Variants in TASP1 observed in about 807,000 individuals in gnomAD.
TASP1 encodes the protein taspase 1.
TASP1 carries 16 observed loss-of-function variants against 56.6 expected under a neutral mutation model. The ratio of observed to expected loss-of-function variants is 0.28; its 90% CI spans 0.19 to 0.43. The LOEUF (loss-of-function observed/expected upper bound fraction) is 0.43, where lower values mean the gene tolerates loss of function less well. Ranked by LOEUF, TASP1 falls within the 20% of genes least tolerant of loss-of-function variation. TASP1 has a pLI of 1.00. For synonymous variants in TASP1, 179 were observed against 184.2 expected (o/e 0.97, Z 0.23); for missense variants, 393 against 511.6 (o/e 0.77, Z 2.24).
chr20:13,629,002 A>C (rs1416827220), intron 2 of TASP1, among the ~76,000 whole-genome samples: 1 of 152,208 alleles, frequency 6.6e-6, no homozygotes, highest in African/African-American at 2.4e-5. Flanking sequence ...TGGCTCTAGC[A>C]CCAACCACCA....
chr20:13,520,682 C>G (rs2044715544), intron 10 of TASP1, among the ~76,000 whole-genome samples: 1 of 152,100 alleles, frequency 6.6e-6, no homozygotes, highest in Non-Finnish European at 1.5e-5. Flanking sequence ...ATAAGAAAAC[C>G]TAGGCAATAC....
chr20:13,391,304 G>A (rs2041265811), intron 13 of TASP1, among the ~76,000 whole-genome samples: 1 of 152,218 alleles, frequency 6.6e-6, no homozygotes. Flanking sequence ...TGGGGCTGGA[G>A]GCTCCGGTAG....
the TASP1 span, among the ~76,000 whole-genome samples, chr20:13,330,081 C>T: frequency 1.3e-5 from 2 of 151,922 alleles, no homozygotes; most frequent in Non-Finnish European, 2.9e-5. Flanking sequence ...CTCAGCCTCC[C>T]GAGTAGCTGG....
chr20:13,620,613 T>C (rs1160035058), intron 4 of TASP1, among the ~76,000 whole-genome samples: 1 of 152,212 alleles, frequency 6.6e-6, no homozygotes, highest in South Asian at 2.1e-4. Context: ...TCAAAAAGTA[T>C]ATCCCAAAGT....
At chr20:13,452,291 C>T (rs2043650381) in intron 11 of TASP1, among the ~76,000 whole-genome samples, 1 of 151,844 alleles carries the variant, frequency 6.6e-6, no homozygotes, top group Non-Finnish European at 1.5e-5. Context: ...TTGAAAAATG[C>T]AGTATCTGCT....
the TASP1 span, among the ~76,000 whole-genome samples, chr20:13,108,909 A>G: frequency 6.6e-6 from 1 of 152,212 alleles, no homozygotes; most frequent in South Asian, 2.1e-4. Context: ...TAGCATCTCC[A>G]TCTTTTAAAA....
At position 13,553,859 on chromosome 20, in the gene TASP1, A is replaced by T. The variant is rs190561142; in HGVS notation, c.675+5149T>A. Among the ~76,000 whole-genome samples, 338 of 152,304 alleles carry T rather than the reference A, an allele frequency of 2.2e-3. 2 individuals carry two copies. Among genetic ancestry groups the T allele is most frequent in the Non-Finnish European group, 1.5e-3 (99 of 68,018 alleles). On this transcript the variant is annotated intron_variant, in intron 8 of 13. Coordinates refer to ENST00000337743, the MANE Select transcript of TASP1 (RefSeq NM_017714.3). ...CAATAAAACTGCTATTTTGTTTGGG[A>T]AGACAATGTGTCTATCCTCAAGCCA...
At chr20:13,299,120 C>T in the TASP1 span, 9 of 1,613,182 alleles carry the variant, frequency 5.6e-6, no homozygotes, top group Non-Finnish European at 7.6e-6. The surrounding 1 kb of genome is among the most constrained non-coding windows in gnomAD (Gnocchi z 5.8). Context: ...AGGACGCCAG[C>T]GGGCCCAAGG....
At chr20:13,472,617 A>G (rs1262395700) in intron 11 of TASP1, among the ~76,000 whole-genome samples, 1 of 150,954 alleles carries the variant, frequency 6.6e-6, no homozygotes, top group Non-Finnish European at 1.5e-5. Context: ...GAATCTACAA[A>G]GAACTTAAAC....
At chr20:13,375,841 T>A in the TASP1 span, among the ~76,000 whole-genome samples, 1 of 152,172 alleles carries the variant, frequency 6.6e-6, no homozygotes, top group Non-Finnish European at 1.5e-5. Context: ...CTAGTGATGA[T>A]GAATTTTTCA....
At chr20:13,458,862 T>C (rs1468219271) in intron 11 of TASP1, among the ~76,000 whole-genome samples, 2 of 152,152 alleles carry the variant, frequency 1.3e-5, no homozygotes, top group Admixed American at 6.6e-5. Flanking sequence ...CAGAGCACTC[T>C]GCATTTTTCT....
chr20:13,213,354 A>T, the TASP1 span, among the ~76,000 whole-genome samples: 10 of 152,332 alleles, frequency 6.6e-5, no homozygotes, highest in African/African-American at 2.4e-4. Context: ...TTCATTAACA[A>T]CAAATTTATT....
At chr20:13,604,132 C>T (rs375982261) in intron 4 of TASP1, among the ~76,000 whole-genome samples, 5 of 152,262 alleles carry the variant, frequency 3.3e-5, no homozygotes, top group African/African-American at 1.2e-4. Flanking sequence ...CAGAGTTGAA[C>T]CCAATCTCTC....
chr20:13,504,553 T>C (rs1231619429), intron 10 of TASP1, among the ~76,000 whole-genome samples: 2 of 152,088 alleles, frequency 1.3e-5, no homozygotes, highest in Admixed American at 6.6e-5. Context: ...GGAAAGGACA[T>C]AGTCAAGTTT....
At chr20:13,402,260 T>C (rs1244320806) in intron 13 of TASP1, among the ~76,000 whole-genome samples, 1 of 152,206 alleles carries the variant, frequency 6.6e-6, no homozygotes, top group Non-Finnish European at 1.5e-5. Context: ...TAAGACTAAT[T>C]AGGCAAAAAT....
intron 13 of TASP1, among the ~76,000 whole-genome samples, chr20:13,408,586 C>T (rs943482510): frequency 1.3e-5 from 2 of 152,032 alleles, no homozygotes; most frequent in African/African-American, 4.8e-5. Flanking sequence ...TTATTTCTTC[C>T]TGAAATGTCT....
chr20:13,202,108 C>T, the TASP1 span, among the ~76,000 whole-genome samples: 20 of 152,080 alleles, frequency 1.3e-4, no homozygotes, highest in Non-Finnish European at 2.4e-4. Flanking sequence ...CATCTCCAGG[C>T]CTAGCACAGT....
chr20:13,391,113 T>C (rs188522835), intron 13 of TASP1, among the ~76,000 whole-genome samples: 47 of 152,294 alleles, frequency 3.1e-4, no homozygotes, highest in African/African-American at 9.9e-4. Flanking sequence ...TCATGTAGCA[T>C]AAAGATCACA....
At chr20:13,442,797 T>C (rs1261417434) in intron 11 of TASP1, among the ~76,000 whole-genome samples, 1 of 152,042 alleles carries the variant, frequency 6.6e-6, no homozygotes, top group Non-Finnish European at 1.5e-5. Context: ...TTAATGAAAG[T>C]ATGGTTAGAG....
Sources: gnomAD v4.1 joint callset for allele counts (sites outside exome capture counted in the v4.1 genomes callset) on GRCh38, gnomAD v4.1.1 for gene constraint, Gnocchi (gnomAD v3.1) non-coding constraint, MANE v1.5 for transcripts, NCBI Gene and HGNC (gene_info 2026-07-23, HGNC 2026-07-21) for gene names.